CTCFL: variants seen among roughly 807,000 people sequenced by gnomAD.
CTCFL encodes the protein transcriptional repressor CTCFL.
CTCFL carries 36 observed loss-of-function variants against 67.4 expected under a neutral mutation model. The observed-to-expected ratio is 0.53, with a 90% CI of 0.41 to 0.71. The LOEUF (loss-of-function observed/expected upper bound fraction) is 0.71. Ranked by LOEUF, CTCFL falls within the 30% of genes least tolerant of loss-of-function variation. CTCFL has a pLI of 0.00. For synonymous variants in CTCFL, 324 were observed against 302.3 expected (o/e 1.07, Z -0.75); for missense variants, 786 against 835.2 (o/e 0.94, Z 0.73).
chr20:57,523,605 A>G, intron 2 of CTCFL, 58 bp downstream of exon 2: 1 of 1,556,880 alleles, frequency 6.4e-7, no homozygotes, highest in Non-Finnish European at 8.7e-7. Flanking sequence ...ATTGCATAAA[A>G]GCCGACTTGA....
chr20:57,512,157 C>G (rs2068607501), intron 8 of CTCFL, among the ~76,000 whole-genome samples: 1 of 152,194 alleles, frequency 6.6e-6, no homozygotes, highest in South Asian at 2.1e-4. Flanking sequence ...ACAACTTTAA[C>G]TGCCTCTTCA....
chr20:57,500,295 T>C lies in CTCFL; in HGVS notation c.1841-1594A>G, dbSNP rs1401532398. 3 of 733,036 alleles carry C rather than the reference T, an allele frequency of 4.1e-6. No homozygotes were observed. In the Admixed American group the frequency reaches 9.1e-5, roughly 22 times the overall value. 45.4% of individuals were successfully genotyped at this position (733,036 alleles called of 1,614,324 possible). A position where few individuals can be genotyped will look rare whatever the true frequency, so the allele number is the denominator to read the frequency against. On this transcript the variant is annotated intron_variant, in intron 10 of 10. Coordinates refer to ENST00000243914, the MANE Select transcript of CTCFL (RefSeq NM_001386993.1). ...GGTAAAACCCCATCTCTACTAAAAA[T>C]AATAGAACAATTAGCCAGGCGTGGT...
Position 57,498,500 on chromosome 20 carries a change from C to T in CTCFL, c.*50G>A, listed in dbSNP as rs780807648. 1.4e-5 allele frequency: 22 copies of T among 1,580,800 alleles called. No homozygotes were observed. The highest frequency in any genetic ancestry group is 1.9e-5 in the Non-Finnish European group (22 of 1,160,646). ...TTCACACCTTAAATGCTAAAAACTTCTAACTTGCTTTAGGAATTGGGGGCA... is the reference window on the plus strand; with the variant it reads ...TTCACACCTTAAATGCTAAAAACTTTTAACTTGCTTTAGGAATTGGGGGCA... On this transcript the variant is annotated 3_prime_UTR_variant, in exon 11 of 11. Transcript: ENST00000243914.
chr20:57,513,765 T>C, intron 7 of CTCFL: 2 of 1,243,320 alleles, frequency 1.6e-6, no homozygotes, highest in South Asian at 1.3e-5. Flanking sequence ...AGAATCTCTT[T>C]GGGCAAAAGG....
chr20:57,512,011 G>A (rs147658742), intron 8 of CTCFL, among the ~76,000 whole-genome samples: 3,654 of 152,256 alleles, frequency 0.024, 65 homozygotes, highest in Middle Eastern at 0.054. Flanking sequence ...GGCTACTTGA[G>A]CTGGAAATTC....
downstream of CTCFL, chr20:57,497,139 A>C: frequency 1.7e-6 from 1 of 598,178 alleles, no homozygotes; most frequent in Non-Finnish European, 2.1e-6. Context: ...GATGTTTTTA[A>C]AGACCAATGC....
intron 10 of CTCFL, among the ~76,000 whole-genome samples, chr20:57,502,053 T>C (rs1165711646): frequency 1.3e-5 from 2 of 152,210 alleles, no homozygotes; most frequent in Admixed American, 1.3e-4. Flanking sequence ...ATGGGCAGTG[T>C]GCACAATTCT....
At chr20:57,524,747 C>G in intron 1 of CTCFL, 1 of 987,780 alleles carries the variant, frequency 1.0e-6, no homozygotes, top group Non-Finnish European at 1.2e-6. Context: ...AGACCTAGCA[C>G]CCTCAGAGCC....
intron 10 of CTCFL, among the ~76,000 whole-genome samples, chr20:57,500,969 C>T (rs112486940): frequency 5.9e-4 from 90 of 152,336 alleles, no homozygotes; most frequent in Admixed American, 7.2e-4. Context: ...TCCAGGGACC[C>T]TTTAGGATCT....
At chr20:57,503,690 A>G in intron 9 of CTCFL, 89 bp from the exon 10 acceptor site, 1 of 1,416,740 alleles carries the variant, frequency 7.1e-7, no homozygotes, top group Non-Finnish European at 9.7e-7. Context: ...ACGCATGGAA[A>G]GAAAGAAAAA....
chr20:57,515,913 G>A, intron 5 of CTCFL, 79 bp from the exon 6 acceptor site: 1 of 1,457,688 alleles, frequency 6.9e-7, no homozygotes. Context: ...CATTGTAAAA[G>A]AGATTTAAAT....
In CTCFL at chr20:57,498,068, A is replaced by G. The variant is rs1045227499; in HGVS notation, c.*482T>C. 50 of 908,438 alleles carry G rather than the reference A, an allele frequency of 5.5e-5. No homozygotes were observed. Among genetic ancestry groups the G allele is most frequent in the Non-Finnish European group, 1.3e-5 (10 of 760,010 alleles). The allele number at this position is 908,438 out of a possible 1,614,324, so 56.3% of individuals were successfully genotyped here. A position where few individuals can be genotyped will look rare whatever the true frequency, so the allele number is the denominator to read the frequency against. On this transcript the variant is annotated 3_prime_UTR_variant, in exon 11 of 11. Transcript: ENST00000243914. The stretch of plus-strand genomic sequence containing the variant: ...AAAACATTTGTCTTTAATGTTTAAA[A>G]CCATATATTATTAGAAATATCATGG...
At chr20:57,510,195 G>A (rs952716812) in intron 8 of CTCFL, among the ~76,000 whole-genome samples, 3 of 152,078 alleles carry the variant, frequency 2.0e-5, no homozygotes, top group Non-Finnish European at 4.4e-5. Context: ...CAGTGTTTTG[G>A]TTTTCAAACT....
At chr20:57,514,360 G>A (rs6092492) in intron 7 of CTCFL, among the ~76,000 whole-genome samples, 3 of 152,114 alleles carry the variant, frequency 2.0e-5, no homozygotes, top group East Asian at 1.9e-4. Context: ...GTCTTATCAC[G>A]TGCATACGGA....
intron 9 of CTCFL, chr20:57,507,560 C>A (rs1395170433): frequency 1.4e-6 from 1 of 702,716 alleles, no homozygotes; most frequent in Non-Finnish European, 2.6e-6. Context: ...CACTCTCTCA[C>A]TTGCTCTGAG....
At chr20:57,524,274 G>C in intron 1 of CTCFL, 58 bp from the exon 2 acceptor site, 1 of 1,536,188 alleles carries the variant, frequency 6.5e-7, no homozygotes, top group Non-Finnish European at 8.7e-7. Context: ...GGTATGAGGA[G>C]GGATGCGGGG....
At chr20:57,519,433 C>T (rs2069181211) in intron 3 of CTCFL, 56 bp from the exon 4 acceptor site, 1 of 1,488,532 alleles carries the variant, frequency 6.7e-7, no homozygotes, top group Non-Finnish European at 9.3e-7. Context: ...CATTTAAATA[C>T]TTGAAAGTAA....
In CTCFL at chr20:57,497,742, G is replaced by C. The variant is rs1009968582; in HGVS notation, c.*808C>G. ...GCCAATTATTTTACAAATATAAAAAGAGTAGTTTTAGCAGAAAAAAGGGTT... is the reference window on the plus strand; with the variant it reads ...GCCAATTATTTTACAAATATAAAAACAGTAGTTTTAGCAGAAAAAAGGGTT... On this transcript the variant is annotated 3_prime_UTR_variant, in exon 11 of 11. Coordinates refer to ENST00000243914, the MANE Select transcript of CTCFL (RefSeq NM_001386993.1). 1.0e-6 allele frequency: 1 copy of C among 984,228 alleles called. No homozygotes were observed. 61.0% of individuals were successfully genotyped at this position (984,228 alleles called of 1,614,324 possible). A position where few individuals can be genotyped will look rare whatever the true frequency, so the allele number is the denominator to read the frequency against.
intron 10 of CTCFL, among the ~76,000 whole-genome samples, chr20:57,502,041 G>A (rs539686577): frequency 6.6e-6 from 1 of 152,338 alleles, no homozygotes; most frequent in East Asian, 1.9e-4. Flanking sequence ...GGTGCTCCGC[G>A]CATGGGCAGT....
Sources: gnomAD v4.1 joint callset for allele counts (sites outside exome capture counted in the v4.1 genomes callset) on GRCh38, gnomAD v4.1.1 for gene constraint, MANE v1.5 for transcripts, NCBI Gene and HGNC (gene_info 2026-07-23, HGNC 2026-07-21) for gene names.